Variants in GABRA2 observed in about 807,000 individuals in gnomAD.
GABRA2 encodes gamma-aminobutyric acid receptor subunit alpha-2.
GABRA2 carries 16 observed loss-of-function variants against 48.7 expected under a neutral mutation model. That is an observed-to-expected ratio of 0.33 (90% confidence interval 0.22 to 0.50). The LOEUF (loss-of-function observed/expected upper bound fraction) is 0.50, where lower values mean the gene tolerates loss of function less well. GABRA2 is among the 20% of genes least tolerant of loss of function. GABRA2 has a pLI of 0.98. For synonymous variants in GABRA2, 185 were observed against 184.5 expected (o/e 1.00, Z -0.02); for missense variants, 275 against 535.6 (o/e 0.51, Z 4.80).
intron 8 of GABRA2, among the ~76,000 whole-genome samples, chr4:46,294,936 A>G (rs1034057901): frequency 5.3e-5 from 8 of 152,214 alleles, no homozygotes; most frequent in Admixed American, 1.3e-4. Flanking sequence ...GCATGTGATC[A>G]GGCTCAAGCT....
chr4:46,353,209 C>T (rs962817992), intron 3 of GABRA2, among the ~76,000 whole-genome samples: 3 of 152,058 alleles, frequency 2.0e-5, no homozygotes, highest in African/African-American at 7.2e-5. Flanking sequence ...ACACCCATAT[C>T]CAATCCATCG....
intron 3 of GABRA2, among the ~76,000 whole-genome samples, chr4:46,335,338 G>T (rs73133220): frequency 0.021 from 3,180 of 152,176 alleles, 118 homozygotes; most frequent in African/African-American, 0.073. Flanking sequence ...TGCTGTTAGT[G>T]CCTGTTACAA....
At chr4:46,294,037 C>T (rs968204754) in intron 8 of GABRA2, among the ~76,000 whole-genome samples, 3 of 152,228 alleles carry the variant, frequency 2.0e-5, no homozygotes, top group African/African-American at 7.2e-5. Context: ...TTTCTCCATT[C>T]TTGTCCATAA....
At position 46,245,037 on chromosome 4, in the gene GABRA2, TTTTG is replaced by T. The variant is rs747951277; in HGVS notation, c.*5267_*5270del. 8.6e-5 allele frequency among the ~76,000 whole-genome samples: 13 copies of T among 151,286 alleles called. No individual in the cohort carries two copies. Among genetic ancestry groups the T allele is most frequent in the African/African-American group, 2.2e-4 (9 of 41,352 alleles). The stretch of plus-strand genomic sequence containing the variant: ...TTGGTTTTTTTGTTGTTTTTTGTTT[TTTTG>T]TTTGTTTGTTTCGTTTACCTTTCCT... On this transcript the variant is annotated 3_prime_UTR_variant, in exon 10 of 10. Transcript: ENST00000381620.
At chr4:46,381,086 T>G (rs1211765622) in intron 3 of GABRA2, among the ~76,000 whole-genome samples, 1 of 152,192 alleles carries the variant, frequency 6.6e-6, no homozygotes, top group Non-Finnish European at 1.5e-5. Context: ...CAGTTAAGCA[T>G]GGTGCTCAAT....
chr4:46,369,938 A>G (rs746202526), intron 3 of GABRA2, among the ~76,000 whole-genome samples: 4 of 152,176 alleles, frequency 2.6e-5, no homozygotes, highest in Non-Finnish European at 5.9e-5. Flanking sequence ...CAATAGAAGC[A>G]ATAGTCTACA....
chr4:46,368,480 A>C (rs1714393523), intron 3 of GABRA2: 1 of 153,122 alleles, frequency 6.5e-6, no homozygotes, highest in Non-Finnish European at 1.5e-5. Context: ...GACTCAGTCC[A>C]GTGTTTGGAC....
chr4:46,378,126 C>G (rs1466180726), intron 3 of GABRA2, among the ~76,000 whole-genome samples: 6 of 152,042 alleles, frequency 3.9e-5, no homozygotes, highest in Non-Finnish European at 5.9e-5. Context: ...TGAGGAGCCC[C>G]TCTGCCCGGC....
At chr4:46,360,998 T>C (rs1384463107) in intron 3 of GABRA2, among the ~76,000 whole-genome samples, 1 of 152,176 alleles carries the variant, frequency 6.6e-6, no homozygotes, top group Non-Finnish European at 1.5e-5. Context: ...AAATTCAAGA[T>C]GTGACTTGGG....
intron 3 of GABRA2, among the ~76,000 whole-genome samples, chr4:46,375,038 G>T (rs1715480863): frequency 6.6e-6 from 1 of 151,888 alleles, no homozygotes; most frequent in Non-Finnish European, 1.5e-5. Flanking sequence ...ATATAGAGAA[G>T]GTGAAATAGA....
chr4:46,323,891 C>A (rs890768015), intron 4 of GABRA2, among the ~76,000 whole-genome samples: 4 of 151,688 alleles, frequency 2.6e-5, no homozygotes, highest in Non-Finnish European at 5.9e-5. Context: ...AGGAGGTAAG[C>A]ATAACAAGAA....
intron 8 of GABRA2, among the ~76,000 whole-genome samples, chr4:46,269,946 A>G (rs764480290): frequency 1.3e-5 from 2 of 151,946 alleles, no homozygotes; most frequent in Non-Finnish European, 2.9e-5. Context: ...ATCAATTGTA[A>G]TGCAAATGTG....
At chr4:46,258,787 T>A (rs1396744151) in intron 9 of GABRA2, among the ~76,000 whole-genome samples, 1 of 151,816 alleles carries the variant, frequency 6.6e-6, no homozygotes, top group Non-Finnish European at 1.5e-5. Flanking sequence ...AAAAATTTAA[T>A]GGGGATTCCT....
chr4:46,269,038 G>A (rs548480661), intron 8 of GABRA2, among the ~76,000 whole-genome samples: 1 of 151,898 alleles, frequency 6.6e-6, no homozygotes, highest in East Asian at 1.9e-4. Flanking sequence ...GAGGCTGTGA[G>A]GTCAGATAAA....
intron 3 of GABRA2, among the ~76,000 whole-genome samples, chr4:46,379,897 C>G (rs150320997): frequency 2.0e-5 from 3 of 152,296 alleles, no homozygotes; most frequent in African/African-American, 7.2e-5. Flanking sequence ...CTTTCCCTAT[C>G]TTCCCCTCGC....
chr4:46,266,246 A>G (rs1451412938), intron 8 of GABRA2, among the ~76,000 whole-genome samples: 1 of 149,024 alleles, frequency 6.7e-6, no homozygotes, highest in East Asian at 1.9e-4. Flanking sequence ...TTTAAAATTA[A>G]TATTTCAATA....
chr4:46,303,337 CA>C, intron 8 of GABRA2, 122 bp downstream of exon 8: 1 of 930,318 alleles, frequency 1.1e-6, no homozygotes, highest in Non-Finnish European at 1.7e-6. Flanking sequence ...ACCTATAAGG[CA>C]AAAACAATAC....
intron 3 of GABRA2, among the ~76,000 whole-genome samples, chr4:46,338,280 A>AGCT (rs1165162138): frequency 8.1e-6 from 1 of 123,658 alleles, no homozygotes; most frequent in South Asian, 2.4e-4. Flanking sequence ...AATGGAAAAT[A>AGCT]ACTCTAGGAA....
At chr4:46,320,435 A>G (rs1729261454) in intron 4 of GABRA2, among the ~76,000 whole-genome samples, 1 of 151,874 alleles carries the variant, frequency 6.6e-6, no homozygotes, top group African/African-American at 2.4e-5. Context: ...AAACAAGTCG[A>G]CATACATCAA....
Sources: allele counts gnomAD v4.1 joint callset (sites outside exome capture counted in the v4.1 genomes callset), GRCh38; gene constraint gnomAD v4.1.1; transcripts MANE v1.5; gene names NCBI Gene and HGNC (gene_info 2026-07-23, HGNC 2026-07-21).